Variants in ARAP1 observed in about 807,000 individuals in gnomAD.
The protein encoded by ARAP1 is arf-GAP with Rho-GAP domain, ANK repeat and PH domain-containing protein 1.
In ARAP1, 76 loss-of-function variants were observed where a neutral mutation model predicts 172.2. The ratio of observed to expected loss-of-function variants is 0.44; its 90% CI spans 0.37 to 0.53. ARAP1 has a LOEUF of 0.53. Among genes scored for constraint, ARAP1 ranks in the 20% least tolerant of loss-of-function variants. The pLI is 0.00. For missense variants in ARAP1, 1,686 were observed against 1,977.5 expected (o/e 0.85, Z 2.80); for synonymous variants, 804 against 803.3 (o/e 1.00, Z -0.01).
At chr11:72,713,337 A>T in intron 4 of ARAP1, 94 bp from the exon 5 acceptor site, 1 of 1,189,344 alleles carries the variant, frequency 8.4e-7, no homozygotes, top group Non-Finnish European at 1.2e-6. Flanking sequence ...CCCCCATGCC[A>T]AGACCCCCAT....
intron 1 of ARAP1, among the ~76,000 whole-genome samples, chr11:72,742,920 C>T (rs1858244862): frequency 6.6e-6 from 1 of 152,188 alleles, no homozygotes; most frequent in Non-Finnish European, 1.5e-5. Context: ...TCCCTGTGTG[C>T]CCCCACTCAA....
intron 1 of ARAP1, among the ~76,000 whole-genome samples, chr11:72,749,407 C>G (rs1055132919): frequency 2.6e-5 from 4 of 152,190 alleles, no homozygotes; most frequent in African/African-American, 9.7e-5. Context: ...AACTTTACAA[C>G]AGTGCTATAG....
chr11:72,722,407 A>T, intron 3 of ARAP1: 1 of 962,846 alleles, frequency 1.0e-6, no homozygotes, highest in Non-Finnish European at 1.2e-6. Context: ...CCCAGGCTGC[A>T]CCCCCACCCA....
At chr11:72,692,828 T>C (rs372083828) in intron 29 of ARAP1, 43 bp from the exon 30 acceptor site, 52 of 1,611,172 alleles carry the variant, frequency 3.2e-5, no homozygotes, top group Non-Finnish European at 4.4e-5. Flanking sequence ...GTCCCAGGTC[T>C]AGAGCCAGGA....
rs1309327070 is a variant in ARAP1, at chr11:72,750,000, C to T, written c.-128+2328G>A. On this transcript the variant is annotated intron_variant, in intron 1 of 34. Coordinates refer to ENST00000393609, the MANE Select transcript of ARAP1 (RefSeq NM_001040118.3). ...CCTACCCTCATCTCTAGCTCTTGGCCTCAGTTTCCCCATCTGTGAAAGAAG... is the reference window on the plus strand; with the variant it reads ...CCTACCCTCATCTCTAGCTCTTGGCTTCAGTTTCCCCATCTGTGAAAGAAG... 2.0e-5 allele frequency among the ~76,000 whole-genome samples: 3 copies of T among 152,160 alleles called. No homozygotes were observed. In the East Asian group the frequency reaches 5.8e-4, roughly 29 times the overall value.
rs1294242385 is a variant in ARAP1 at position 72,699,470 on chromosome 11, C to T, written c.2385G>A (p.Glu795=). The part of the protein sequence containing the change: ...ENERAVTPNG[E]IRASEIVCLA... The stretch of plus-strand genomic sequence containing the variant: ...GGCACACAATCTCGCTGGCCCGAAT[C>T]TCTCCATTGGGGGTCACTGCCCGCT... The change falls in exon 17 of 35, where the codon GAG becomes GAA. Residue 795 remains glutamate, a synonymous_variant. Coordinates refer to ENST00000393609, the MANE Select transcript of ARAP1 (RefSeq NM_001040118.3). This position sits in a 1 kb window ranked among gnomAD's most constrained non-coding sequence, Gnocchi z 4.2. 6.2e-7 allele frequency: 1 copy of T among 1,614,134 alleles called. No homozygotes were observed. The highest frequency in any genetic ancestry group is 1.7e-5 in the Admixed American group (1 of 60,018).
intron 33 of ARAP1, among the ~76,000 whole-genome samples, chr11:72,686,765 T>C (rs942286389): frequency 8.5e-5 from 13 of 152,184 alleles, no homozygotes; most frequent in Admixed American, 6.5e-4. Context: ...CTCTGGGTTC[T>C]ACCCTCGGTC....
Position 72,712,282 on chromosome 11 carries a change from T to C in ARAP1, c.936A>G (p.Pro312=). 2 of 1,595,240 alleles carry C rather than the reference T, an allele frequency of 1.3e-6. No homozygotes were observed. The highest frequency in any genetic ancestry group is 1.7e-6 in the Non-Finnish European group (2 of 1,170,172). ...SLSLPSTIAA[P]HPMDGPPGGS... ...CCCCAGGCGGCCCGTCCATGGGGTG[T>C]GGCGCAGCTATTGTGCTGGGCAAGG... Residue 312 remains proline, a synonymous_variant, in exon 7 of 35, where the codon CCA becomes CCG. Transcript: ENST00000393609.
At chr11:72,723,967 C>A (rs112521882) in intron 3 of ARAP1, among the ~76,000 whole-genome samples, 1 of 152,208 alleles carries the variant, frequency 6.6e-6, no homozygotes, top group Non-Finnish European at 1.5e-5. Flanking sequence ...TCAAACAGCA[C>A]GTGCACACTC....
intron 34 of ARAP1, 45 bp from the exon 35 acceptor site, chr11:72,685,726 A>C (rs543166752): frequency 2.8e-5 from 45 of 1,613,060 alleles, no homozygotes; most frequent in Non-Finnish European, 3.6e-5. Flanking sequence ...GAAGGCCCAG[A>C]GGGGCTGGCG....
chr11:72,699,666 C>T lies in ARAP1; in HGVS notation c.2303-114G>A. The T allele has an allele frequency of 1.4e-6, 2 of 1,391,632 alleles. No individual in the cohort carries two copies. The highest frequency in any genetic ancestry group is 1.9e-6 in the Non-Finnish European group (2 of 1,037,022). The allele number at this position is 1,391,632 out of a possible 1,614,324, so 86.2% of individuals were successfully genotyped here. On this transcript the variant is annotated intron_variant, in intron 16 of 34. Transcript: ENST00000393609. The surrounding 1 kb of genome is among the most constrained non-coding windows in gnomAD (Gnocchi z 4.2). Reference sequence around the variant, plus strand: ...CTGACCCATGAGCTCTTCATTCTCTCAAGTTTTCCCTAAATCCATCCACCT... The same window carrying T: ...CTGACCCATGAGCTCTTCATTCTCTTAAGTTTTCCCTAAATCCATCCACCT...
chr11:72,738,366 G>A (rs1402033644), intron 1 of ARAP1, among the ~76,000 whole-genome samples: 1 of 152,126 alleles, frequency 6.6e-6, no homozygotes, highest in African/African-American at 2.4e-5. Context: ...GTCAGCCCTG[G>A]ATCAGGGCAG....
intron 4 of ARAP1, among the ~76,000 whole-genome samples, chr11:72,713,779 A>G (rs958103760): frequency 5.9e-5 from 9 of 151,488 alleles, no homozygotes; most frequent in Admixed American, 3.3e-4. Flanking sequence ...CCCAGGAGGC[A>G]GAGCTTGCAG....
chr11:72,692,329 C>T (rs971036471), intron 30 of ARAP1, among the ~76,000 whole-genome samples: 3 of 152,132 alleles, frequency 2.0e-5, no homozygotes, highest in African/African-American at 7.2e-5. Flanking sequence ...CCACAAGCCT[C>T]TCTCGTCCCA....
chr11:72,689,293 G>T lies in ARAP1; in HGVS notation c.3988-756C>A, dbSNP rs181208545. On this transcript the variant is annotated intron_variant, in intron 30 of 34. Coordinates refer to ENST00000393609, the MANE Select transcript of ARAP1 (RefSeq NM_001040118.3). ...CTGGCTCGGAGGCAGAGGGATGGGG[G>T]CAATGACCCCCAAGGAAGAGGCTGG... is the stretch of plus-strand genomic sequence containing the variant. Among the ~76,000 whole-genome samples, 1,198 of 152,310 alleles carry T rather than the reference G, an allele frequency of 7.9e-3. 10 individuals carry two copies. The highest frequency in any genetic ancestry group is 0.013 in the Non-Finnish European group (855 of 68,020).
At chr11:72,704,043 A>C (rs962625394) in intron 14 of ARAP1, 109 bp downstream of exon 14, 435 of 1,428,764 alleles carry the variant, frequency 3.0e-4, no homozygotes, top group Non-Finnish European at 4.0e-4. Context: ...CCCATATGCC[A>C]AGACATCTCC....
chr11:72,709,857 G>T lies in ARAP1; in HGVS notation c.1523+13C>A, dbSNP rs1448876175. On this transcript the variant is annotated intron_variant, in intron 11 of 34. Coordinates refer to ENST00000393609, the MANE Select transcript of ARAP1 (RefSeq NM_001040118.3). ...AGTGAGGATGCCGGTGAGCCAAGAA[G>T]ATGGAGGGTCACCTGAAGATGCGGT... is the stretch of plus-strand genomic sequence containing the variant. The T allele has an allele frequency of 2.5e-6, 4 of 1,613,302 alleles. No individual in the cohort carries two copies. Among genetic ancestry groups the T allele is most frequent in the Non-Finnish European group, 2.5e-6 (3 of 1,179,210 alleles).
intron 30 of ARAP1, chr11:72,689,023 G>A (rs1855813564): frequency 6.4e-6 from 1 of 156,498 alleles, no homozygotes; most frequent in African/African-American, 2.4e-5. Flanking sequence ...CCCCATGGAG[G>A]CTCCAGGGTT....
intron 31 of ARAP1, among the ~76,000 whole-genome samples, chr11:72,688,110 C>T (rs1022513429): frequency 2.6e-5 from 4 of 152,068 alleles, no homozygotes; most frequent in East Asian, 1.9e-4. Context: ...GCGATCCTCC[C>T]GCCTCAGCCT....
Sources: allele counts gnomAD v4.1 joint callset (sites outside exome capture counted in the v4.1 genomes callset), GRCh38; gene constraint gnomAD v4.1.1; non-coding constraint Gnocchi (gnomAD v3.1); transcripts MANE v1.5; gene names NCBI Gene and HGNC (gene_info 2026-07-23, HGNC 2026-07-21).